NEK11: variants seen among roughly 807,000 people sequenced by gnomAD.
The protein encoded by NEK11 is NIMA related kinase 11.
A neutral mutation model predicts 80.7 loss-of-function variants in NEK11; 72 were observed. That is an observed-to-expected ratio of 0.89 (90% CI 0.74 to 1.08). The LOEUF is 1.08. Ranked by LOEUF, NEK11 falls within the 50% of genes least tolerant of loss-of-function variation. The probability of loss-of-function intolerance (pLI) is 0.00; values close to 1 mark genes in which losing one functional copy is unlikely to be tolerated. For synonymous variants in NEK11, 251 were observed against 260.7 expected (o/e 0.96, Z 0.36); for missense variants, 764 against 763.6 (o/e 1.00, Z -0.01).
At chr3:131,285,193 G>A (rs996109650) in intron 17 of NEK11, among the ~76,000 whole-genome samples, 2 of 152,216 alleles carry the variant, frequency 1.3e-5, no homozygotes, top group Non-Finnish European at 2.9e-5. Context: ...CCATTGGAAA[G>A]GAGGCTCTGA....
chr3:131,184,719 T>G, intron 14 of NEK11: 2 of 1,228,852 alleles, frequency 1.6e-6, no homozygotes, highest in Non-Finnish European at 1.1e-6. Flanking sequence ...TAATCTAATT[T>G]CACTAGACGA....
At chr3:131,108,224 T>C (rs891266280) in intron 4 of NEK11, among the ~76,000 whole-genome samples, 17 of 152,242 alleles carry the variant, frequency 1.1e-4, no homozygotes, top group African/African-American at 3.8e-4. Flanking sequence ...AAAAGTGCAT[T>C]AGAAGTGAAT....
In NEK11 at chr3:131,168,928, C is replaced by T. The variant is rs368035113; in HGVS notation, c.1275C>T (p.Gly425=). The change falls in exon 13 of 18, where the codon GGC becomes GGT. Residue 425 remains glycine (G), a synonymous_variant. Coordinates refer to ENST00000383366, the MANE Select transcript of NEK11 (RefSeq NM_024800.5). The part of the protein sequence containing the change: ...PQDEDEERWQ[G]REEESDEPTL... ...ACGAGGATGAAGAGAGGTGGCAAGG[C>T]AGGGAAGAGGCAAGTTTAATCATAT... 3 of 1,613,140 alleles carry T rather than the reference C, an allele frequency of 1.9e-6. No homozygotes were observed. The African/African-American group carries it at 4.0e-5, about 22-fold the overall frequency.
At chr3:131,121,336 C>G (rs1162216666) in intron 5 of NEK11, among the ~76,000 whole-genome samples, 1 of 152,220 alleles carries the variant, frequency 6.6e-6, no homozygotes, top group Admixed American at 6.5e-5. Context: ...CTGCCTGATC[C>G]TTCCTCTGGA....
chr3:131,348,932 T>TC (rs886945630), intron 17 of NEK11, among the ~76,000 whole-genome samples: 2 of 151,910 alleles, frequency 1.3e-5, no homozygotes, highest in African/African-American at 4.8e-5. Flanking sequence ...AAAACTATTC[T>TC]CCCCCTCATT....
intron 14 of NEK11, among the ~76,000 whole-genome samples, chr3:131,214,695 ATGTGTG>A (rs57370577): frequency 5.4e-5 from 8 of 147,558 alleles, no homozygotes; most frequent in African/African-American, 1.5e-4. Context: ...ATGTGCGTGC[ATGTGTG>A]TGTGTGTGTG....
intron 14 of NEK11, among the ~76,000 whole-genome samples, chr3:131,218,511 G>A (rs2094916992): frequency 6.6e-6 from 1 of 152,214 alleles, no homozygotes; most frequent in South Asian, 2.1e-4. Context: ...GAACAATTCT[G>A]TGGAGAATAG....
At chr3:131,323,848 T>C (rs2096925906) in intron 17 of NEK11, among the ~76,000 whole-genome samples, 1 of 152,112 alleles carries the variant, frequency 6.6e-6, no homozygotes, top group Non-Finnish European at 1.5e-5. Flanking sequence ...GTGAAGACAA[T>C]TTATTGTGCA....
At chr3:131,065,141 AAG>A (rs777761944) in intron 3 of NEK11, among the ~76,000 whole-genome samples, 1 of 152,226 alleles carries the variant, frequency 6.6e-6, no homozygotes, top group Non-Finnish European at 1.5e-5. Context: ...AATGAGTAGA[AAG>A]AGCTTTGGTC....
intron 3 of NEK11, among the ~76,000 whole-genome samples, chr3:131,041,158 C>G: frequency 6.6e-6 from 1 of 152,144 alleles, no homozygotes; most frequent in Non-Finnish European, 1.5e-5. Context: ...ATTTATATTG[C>G]TATTTCAAAG....
Position 131,272,057 on chromosome 3 carries a change from G to A in NEK11, c.1622-1421G>A, listed in dbSNP as rs187273363. Reference sequence around the variant, plus strand: ...AGAGGTTGCGGTGAGCCGAGATCACGCCATTGCATTCCAGCCTGGGCAACA... The same window carrying A: ...AGAGGTTGCGGTGAGCCGAGATCACACCATTGCATTCCAGCCTGGGCAACA... On this transcript the variant is annotated intron_variant, in intron 16 of 17. Transcript: ENST00000383366. 3.8e-4 allele frequency among the ~76,000 whole-genome samples: 57 copies of A among 149,044 alleles called. 1 individual carries two copies. Among genetic ancestry groups the A allele is most frequent in the African/African-American group, 8.7e-4 (35 of 40,366 alleles).
intron 17 of NEK11, among the ~76,000 whole-genome samples, chr3:131,308,624 CA>C (rs2096746140): frequency 6.6e-6 from 1 of 152,190 alleles, no homozygotes; most frequent in African/African-American, 2.4e-5. Context: ...TGGTCTTCTG[CA>C]TGTCCCATTC....
intron 14 of NEK11, among the ~76,000 whole-genome samples, chr3:131,172,091 C>T (rs1053277482): frequency 4.6e-5 from 7 of 152,180 alleles, no homozygotes; most frequent in Admixed American, 3.9e-4. Context: ...TTAGAGGTAG[C>T]AAAGGCATCA....
At chr3:131,212,910 G>A (rs1387991957) in intron 14 of NEK11, among the ~76,000 whole-genome samples, 1 of 152,184 alleles carries the variant, frequency 6.6e-6, no homozygotes, top group Non-Finnish European at 1.5e-5. Context: ...TTTTATATCA[G>A]TAGACTTTGA....
Position 131,147,161 on chromosome 3 carries a change from G to A in NEK11, c.648-5227G>A, listed in dbSNP as rs183407097. Among the ~76,000 whole-genome samples, 7 of 152,040 alleles carry A rather than the reference G, an allele frequency of 4.6e-5. No homozygotes were observed. In the East Asian group the frequency reaches 1.4e-3, roughly 29 times the overall value. ...TTTTAAAACTCAGTTTTCTTCTCCT[G>A]TTTTCTTTTAAAGCTGACTCAATTT... On this transcript the variant is annotated intron_variant, in intron 7 of 17. Transcript: ENST00000383366.
Position 131,184,560 on chromosome 3 carries a change from C to T in NEK11, c.1399+13673C>T, listed in dbSNP as rs533956362. The T allele has an allele frequency of 2.0e-5, 6 of 292,886 alleles. No individual in the cohort carries two copies. In the South Asian group the frequency reaches 4.1e-4, roughly 20 times the overall value. The allele number at this position is 292,886 out of a possible 1,614,324, so 18.1% of individuals were successfully genotyped here. A position where few individuals can be genotyped will look rare whatever the true frequency, so the allele number is the denominator to read the frequency against. The stretch of plus-strand genomic sequence containing the variant: ...CTAGGGAAAAATCCTATTAAGAACA[C>T]GAATGCTTTTTATCTTAAACAGCAT... On this transcript the variant is annotated intron_variant, in intron 14 of 17. Coordinates refer to ENST00000383366, the MANE Select transcript of NEK11 (RefSeq NM_024800.5).
chr3:131,336,537 C>A (rs1186493758), intron 17 of NEK11, among the ~76,000 whole-genome samples: 2 of 152,244 alleles, frequency 1.3e-5, no homozygotes, highest in East Asian at 1.9e-4. Flanking sequence ...CTAGGTATTA[C>A]CATTCAGGAC....
At chr3:131,240,525 TTTG>T (rs200902975) in intron 15 of NEK11, among the ~76,000 whole-genome samples, 24 of 151,836 alleles carry the variant, frequency 1.6e-4, no homozygotes, top group East Asian at 3.9e-4. Flanking sequence ...ATAATTGGTT[TTTG>T]TTGTTGTTGT....
chr3:131,170,326 A>G (rs1474160403), intron 13 of NEK11, among the ~76,000 whole-genome samples: 2 of 152,222 alleles, frequency 1.3e-5, no homozygotes, highest in Admixed American at 1.3e-4. Context: ...ATTGGAATTC[A>G]TAGAATCACA....
Sources: allele counts gnomAD v4.1 joint callset (sites outside exome capture counted in the v4.1 genomes callset), GRCh38; gene constraint gnomAD v4.1.1; transcripts MANE v1.5; gene names NCBI Gene and HGNC (gene_info 2026-07-23, HGNC 2026-07-21).